The following KIF1B variants were observed in gnomAD, a reference collection of about 807,000 sequenced individuals.
KIF1B encodes the protein kinesin-like protein KIF1B.
In KIF1B, 76 loss-of-function variants were observed where a neutral mutation model predicts 241.9. That is an observed-to-expected ratio of 0.31 (90% CI 0.26 to 0.38). The LOEUF is 0.38. Among genes scored for constraint, KIF1B ranks in the 10% least tolerant of loss-of-function variants. The pLI is 1.00. For synonymous variants in KIF1B, 750 were observed against 796.7 expected (o/e 0.94, Z 0.99); for missense variants, 1,622 against 2,271.4 (o/e 0.71, Z 5.81).
chr1:10,368,628 T>C, intron 44 of KIF1B, 90 bp downstream of exon 44: 1 of 1,111,628 alleles, frequency 9.0e-7, no homozygotes, highest in Middle Eastern at 2.0e-4. Flanking sequence ...TTTTTGCTGC[T>C]TTTAAGCAAC....
At chr1:10,236,001 G>A (rs1453490071) in intron 2 of KIF1B, among the ~76,000 whole-genome samples, 4 of 151,334 alleles carry the variant, frequency 2.6e-5, no homozygotes, top group South Asian at 2.1e-4. Context: ...GGCCGGGCAC[G>A]GTGGCTCAAG....
chr1:10,226,794 C>T (rs1182665408), intron 1 of KIF1B, among the ~76,000 whole-genome samples: 1 of 151,968 alleles, frequency 6.6e-6, no homozygotes, highest in African/African-American at 2.4e-5. Context: ...TAGCGAAACC[C>T]CGTCCCTACT....
chr1:10,240,008 A>G (rs146058715), intron 2 of KIF1B, among the ~76,000 whole-genome samples: 2,838 of 151,884 alleles, frequency 0.019, 42 homozygotes, highest in Non-Finnish European at 0.028. Context: ...CCTCGTGATC[A>G]GCCTGCCTCG....
intron 22 of KIF1B, among the ~76,000 whole-genome samples, chr1:10,297,855 G>T (rs943369306): frequency 6.6e-6 from 1 of 152,174 alleles, no homozygotes. Context: ...ACCCAGCCCG[G>T]ACAGGACAGA....
At chr1:10,265,129 G>T (rs1196511032) in intron 5 of KIF1B, among the ~76,000 whole-genome samples, 1 of 152,052 alleles carries the variant, frequency 6.6e-6, no homozygotes, top group African/African-American at 2.4e-5. Flanking sequence ...CACAGTGTGT[G>T]GCTCCCAAAG....
chr1:10,360,953 G>A lies in KIF1B; in HGVS notation c.4080G>A (p.Val1360=). The part of the protein sequence containing the change: ...SSRTFYRFEA[V]WDSSLHNSLL... ...GGACCTTCTACCGCTTTGAGGCTGT[G>A]TGGGATAGCTCTCTGCATAACTCCC... The change falls in exon 39 of 49, where the codon GTG becomes GTA. Residue 1360 remains valine (V), a synonymous_variant. Transcript: ENST00000676179. 6.2e-7 allele frequency: 1 copy of A among 1,613,938 alleles called. No homozygotes were observed. Among genetic ancestry groups the A allele is most frequent in the East Asian group, 2.2e-5 (1 of 44,876 alleles).
chr1:10,312,674 AT>A (rs1488913160), intron 22 of KIF1B, among the ~76,000 whole-genome samples: 1 of 151,420 alleles, frequency 6.6e-6, no homozygotes, highest in African/African-American at 2.5e-5. Context: ...GTTACTATGA[AT>A]TTGAGTAGAA....
At chr1:10,293,567 G>A (rs1650116859) in intron 17 of KIF1B, among the ~76,000 whole-genome samples, 1 of 151,912 alleles carries the variant, frequency 6.6e-6, no homozygotes, top group Non-Finnish European at 1.5e-5. Context: ...GCTAAGTTTT[G>A]TATTTTTAGT....
chr1:10,261,172 G>C (rs1017059094), intron 4 of KIF1B, among the ~76,000 whole-genome samples: 2 of 151,556 alleles, frequency 1.3e-5, no homozygotes, highest in African/African-American at 4.8e-5. Flanking sequence ...TCACAATGTT[G>C]GCCAGGCTGG....
chr1:10,308,548 A>G (rs1450203290), intron 22 of KIF1B: 1 of 1,021,602 alleles, frequency 9.8e-7, no homozygotes, highest in African/African-American at 1.7e-5. Context: ...TTAGTTTGTA[A>G]TGTTAAAAAA....
At chr1:10,263,476 CTT>C (rs986004099) in intron 5 of KIF1B, among the ~76,000 whole-genome samples, 1 of 150,950 alleles carries the variant, frequency 6.6e-6, no homozygotes, top group Non-Finnish European at 1.5e-5. Context: ...GATTTTTTTT[CTT>C]TTCTTTTTGG....
chr1:10,258,755 G>A (rs915010757), intron 4 of KIF1B, 83 bp downstream of exon 4: 7 of 1,336,230 alleles, frequency 5.2e-6, no homozygotes, highest in East Asian at 2.4e-5. Context: ...TTTATTTGGC[G>A]AACATTTATG....
chr1:10,368,227 T>C lies in KIF1B; in HGVS notation c.4753-240T>C, dbSNP rs1557741654. On this transcript the variant is annotated intron_variant, in intron 43 of 48. Coordinates refer to ENST00000676179, the MANE Select transcript of KIF1B (RefSeq NM_001365951.3). ...TCCCCTCCTGCCTTGTATCCAGGGC[T>C]TCATTTAGTCATTGAGGTTTTTGTT... is the stretch of plus-strand genomic sequence containing the variant. 2.0e-5 allele frequency among the ~76,000 whole-genome samples: 3 copies of C among 152,200 alleles called. No individual in the cohort carries two copies. The South Asian group carries it at 6.2e-4, about 32-fold the overall frequency.
intron 31 of KIF1B, among the ~76,000 whole-genome samples, chr1:10,339,487 G>A (rs1237393500): frequency 6.6e-6 from 1 of 152,192 alleles, no homozygotes; most frequent in Non-Finnish European, 1.5e-5. Context: ...AGGAAGAGGA[G>A]TTAATTGAAT....
intron 37 of KIF1B, among the ~76,000 whole-genome samples, chr1:10,350,158 G>A (rs183664051): frequency 6.6e-5 from 10 of 151,424 alleles, no homozygotes; most frequent in East Asian, 5.8e-4. Flanking sequence ...TTGTGGTGGC[G>A]GGCGCCTGTA....
intron 5 of KIF1B, among the ~76,000 whole-genome samples, chr1:10,262,893 G>A (rs1399342693): frequency 6.6e-6 from 1 of 152,034 alleles, no homozygotes; most frequent in South Asian, 2.1e-4. Context: ...ATAAAAACTT[G>A]GAAAGTAATT....
chr1:10,372,569 T>G (rs1478050793), intron 45 of KIF1B, among the ~76,000 whole-genome samples: 1 of 148,754 alleles, frequency 6.7e-6, no homozygotes, highest in Non-Finnish European at 1.5e-5. Context: ...TCCCAGCTAC[T>G]GGGGAGGCTG....
At chr1:10,217,787 G>A (rs1646788440) in intron 1 of KIF1B, among the ~76,000 whole-genome samples, 2 of 143,708 alleles carry the variant, frequency 1.4e-5, no homozygotes, top group African/African-American at 5.0e-5. Flanking sequence ...TGAACCCCCT[G>A]ACTTTGCTGT....
intron 22 of KIF1B, chr1:10,305,188 A>G: frequency 9.5e-7 from 1 of 1,047,604 alleles, no homozygotes; most frequent in Non-Finnish European, 1.2e-6. Context: ...GTAAGCCAAA[A>G]CTAAAGGTCT....
Sources: gnomAD v4.1 joint callset for allele counts (sites outside exome capture counted in the v4.1 genomes callset) on GRCh38, gnomAD v4.1.1 for gene constraint, MANE v1.5 for transcripts, NCBI Gene and HGNC (gene_info 2026-07-23, HGNC 2026-07-21) for gene names.